PPM1E: variants seen among roughly 807,000 people sequenced by gnomAD.
The protein encoded by PPM1E is protein phosphatase, Mg2+/Mn2+ dependent 1E, also known as protein phosphatase 1E.
A neutral mutation model predicts 65.9 loss-of-function variants in PPM1E; 20 were observed. That is an observed-to-expected ratio of 0.30 (90% confidence interval 0.21 to 0.44). PPM1E has a LOEUF of 0.44. Ranked by LOEUF, PPM1E falls within the 20% of genes least tolerant of loss-of-function variation. The pLI, the probability that PPM1E is intolerant of heterozygous loss-of-function variation, is 1.00. For synonymous variants in PPM1E, 352 were observed against 374.9 expected, an observed-to-expected ratio of 0.94 and a Z score of 0.70; for missense variants, 713 against 953.1, an observed-to-expected ratio of 0.75 and a Z score of 3.32.
At chr17:58,929,959 G>T in intron 1 of PPM1E, among the ~76,000 whole-genome samples, 1 of 152,050 alleles carries the variant, frequency 6.6e-6, no homozygotes, top group East Asian at 1.9e-4. Flanking sequence ...GTAAAAATGA[G>T]ATACACTGTC....
At chr17:58,826,708 C>T (rs2050540757) in intron 1 of PPM1E, among the ~76,000 whole-genome samples, 1 of 152,076 alleles carries the variant, frequency 6.6e-6, no homozygotes, top group Non-Finnish European at 1.5e-5. Context: ...TCACTGCAAC[C>T]TCTGCCTCCC....
intron 1 of PPM1E, among the ~76,000 whole-genome samples, chr17:58,906,122 A>G (rs540647828): frequency 6.6e-6 from 1 of 152,326 alleles, no homozygotes; most frequent in South Asian, 2.1e-4. Context: ...AAAATCAATT[A>G]ATGTAATGCA....
intron 1 of PPM1E, among the ~76,000 whole-genome samples, chr17:58,791,802 G>A (rs2050160209): frequency 6.6e-6 from 1 of 152,174 alleles, no homozygotes; most frequent in Non-Finnish European, 1.5e-5. Context: ...GCACACAGAT[G>A]AGTCTACTTA....
At chr17:58,870,692 CTGTAA>C (rs886922881) in intron 1 of PPM1E, among the ~76,000 whole-genome samples, 16 of 152,144 alleles carry the variant, frequency 1.1e-4, no homozygotes, top group Non-Finnish European at 1.6e-4. Context: ...ATTTTGGCCA[CTGTAA>C]TTTGGGGTCA....
chr17:58,809,246 T>C (rs1266399160), intron 1 of PPM1E, among the ~76,000 whole-genome samples: 1 of 152,012 alleles, frequency 6.6e-6, no homozygotes, highest in Non-Finnish European at 1.5e-5. Context: ...CTACCATATC[T>C]AGCTAATTAA....
rs1323879783 is a variant in PPM1E at position 58,912,678 on chromosome 17, C to T, written c.465-42971C>T. Among the ~76,000 whole-genome samples, 4 of 152,076 alleles carry T rather than the reference C, an allele frequency of 2.6e-5. 1 individual carries two copies. Among genetic ancestry groups the T allele is most frequent in the Non-Finnish European group, 5.9e-5 (4 of 68,022 alleles). Reference sequence around the variant, plus strand: ...TGTGTCTTTTTGTATGATAATGAGACGAATGATGGCTGGTGGCTCCTAGTT... The same window carrying T: ...TGTGTCTTTTTGTATGATAATGAGATGAATGATGGCTGGTGGCTCCTAGTT... On this transcript the variant is annotated intron_variant, in intron 1 of 6. Coordinates refer to ENST00000308249, the MANE Select transcript of PPM1E (RefSeq NM_014906.5).
intron 1 of PPM1E, among the ~76,000 whole-genome samples, chr17:58,768,918 C>T (rs1044793883): frequency 5.9e-5 from 9 of 152,136 alleles, no homozygotes; most frequent in African/African-American, 2.2e-4. Context: ...TTCCACCTGC[C>T]TCAGCTTCCC....
At chr17:58,768,143 G>A (rs1173048608) in intron 1 of PPM1E, among the ~76,000 whole-genome samples, 2 of 152,066 alleles carry the variant, frequency 1.3e-5, no homozygotes, top group African/African-American at 4.8e-5. Flanking sequence ...GTAGAGATGG[G>A]GTTTCACCAT....
At chr17:58,971,192 T>C (rs2030593087) in intron 4 of PPM1E, among the ~76,000 whole-genome samples, 1 of 152,042 alleles carries the variant, frequency 6.6e-6, no homozygotes, top group Non-Finnish European at 1.5e-5. Context: ...TGCACTGAAG[T>C]GTGTTTATCA....
intron 1 of PPM1E, among the ~76,000 whole-genome samples, chr17:58,910,155 G>A (rs560929309): frequency 5.9e-5 from 9 of 151,784 alleles, no homozygotes; most frequent in East Asian, 5.8e-4. Context: ...CACCCGCCTC[G>A]TTGCCCCACA....
intron 1 of PPM1E, among the ~76,000 whole-genome samples, chr17:58,910,207 C>T (rs547070300): frequency 6.6e-6 from 1 of 152,074 alleles, no homozygotes; most frequent in East Asian, 1.9e-4. Context: ...TCCTTATTTG[C>T]TTTTCAGTTT....
At chr17:58,854,662 T>A (rs2050863114) in intron 1 of PPM1E, among the ~76,000 whole-genome samples, 1 of 152,182 alleles carries the variant, frequency 6.6e-6, no homozygotes, top group South Asian at 2.1e-4. Context: ...GATGATCATG[T>A]GGGTTTTTTC....
chr17:58,933,938 T>C (rs1334351877), intron 1 of PPM1E, among the ~76,000 whole-genome samples: 1 of 151,516 alleles, frequency 6.6e-6, no homozygotes, highest in East Asian at 1.9e-4. Flanking sequence ...CTAGTAAATA[T>C]ACAAAAATTA....
rs1484460135 is a variant in PPM1E at position 58,800,718 on chromosome 17, A to G, written c.464+44257A>G. On this transcript the variant is annotated intron_variant, in intron 1 of 6. Transcript: ENST00000308249. The stretch of plus-strand genomic sequence containing the variant: ...AACATATTGAGATAAAATTGTTTAT[A>G]ATAGTCTTTTATTATCATTTTAAGG... Among the ~76,000 whole-genome samples the G allele has an allele frequency of 3.3e-5, 5 of 152,154 alleles. No individual in the cohort carries two copies. In the East Asian group the frequency reaches 9.6e-4, roughly 29 times the overall value.
At chr17:58,928,460 C>T (rs1044904042) in intron 1 of PPM1E, among the ~76,000 whole-genome samples, 1 of 151,960 alleles carries the variant, frequency 6.6e-6, no homozygotes, top group African/African-American at 2.4e-5. Flanking sequence ...TACTATTATA[C>T]ACCCATCAGA....
chr17:58,781,263 C>T (rs1394885421), intron 1 of PPM1E, among the ~76,000 whole-genome samples: 1 of 151,652 alleles, frequency 6.6e-6, no homozygotes, highest in Non-Finnish European at 1.5e-5. Flanking sequence ...GCCCCAGCCT[C>T]CTGAGTAGCT....
chr17:58,788,564 G>A (rs1296161377), intron 1 of PPM1E, among the ~76,000 whole-genome samples: 1 of 152,130 alleles, frequency 6.6e-6, no homozygotes, highest in Admixed American at 6.5e-5. Context: ...TTTTAAACTA[G>A]TTTTAGTTGA....
chr17:58,883,345 A>G (rs2051225560), intron 1 of PPM1E, among the ~76,000 whole-genome samples: 2 of 152,024 alleles, frequency 1.3e-5, no homozygotes, highest in African/African-American at 2.4e-5. Context: ...TCTCTTGGAA[A>G]TAATTTTTTT....
At chr17:58,820,559 A>T (rs2050469644) in intron 1 of PPM1E, among the ~76,000 whole-genome samples, 1 of 152,204 alleles carries the variant, frequency 6.6e-6, no homozygotes, top group Non-Finnish European at 1.5e-5. Context: ...TTGAAGTCCT[A>T]AAGGAGTGTG....
Sources: allele counts gnomAD v4.1 joint callset (sites outside exome capture counted in the v4.1 genomes callset), GRCh38; gene constraint gnomAD v4.1.1; transcripts MANE v1.5; gene names NCBI Gene and HGNC (gene_info 2026-07-23, HGNC 2026-07-21).